Variants in NKAIN3 observed in about 807,000 individuals in gnomAD.
NKAIN3 encodes sodium/potassium-transporting ATPase subunit beta-1-interacting protein 3.
In NKAIN3, 25 loss-of-function variants were observed where a neutral mutation model predicts 30.2. That is an observed-to-expected ratio of 0.83 (90% CI 0.60 to 1.16). NKAIN3 has a LOEUF of 1.16. Among genes scored for constraint, NKAIN3 ranks in the 50% most tolerant of loss-of-function variants. The pLI, the probability that NKAIN3 is intolerant of heterozygous loss-of-function variation, is 0.00. For synonymous variants in NKAIN3, 91 were observed against 89.6 expected (o/e 1.02, Z -0.09); for missense variants, 225 against 254.1 (o/e 0.89, Z 0.78).
At chr8:62,923,978 T>C (rs1822361944) in intron 5 of NKAIN3, among the ~76,000 whole-genome samples, 1 of 152,194 alleles carries the variant, frequency 6.6e-6, no homozygotes, top group East Asian at 1.9e-4. Context: ...GAAGCCCCTT[T>C]ACCAGAACCA....
intron 4 of NKAIN3, among the ~76,000 whole-genome samples, chr8:62,814,316 CT>C (rs142964421): frequency 3.7e-4 from 56 of 150,260 alleles, no homozygotes; most frequent in Middle Eastern, 3.4e-3. Flanking sequence ...GTCTCATAGG[CT>C]TTTTTTTTCA....
intron 1 of NKAIN3, among the ~76,000 whole-genome samples, chr8:62,514,751 A>T (rs1386087596): frequency 6.6e-6 from 1 of 152,120 alleles, no homozygotes; most frequent in Non-Finnish European, 1.5e-5. Context: ...AAAGCAAAAG[A>T]TGGATATTCT....
chr8:62,879,817 A>G (rs1191564497), intron 4 of NKAIN3, among the ~76,000 whole-genome samples: 1 of 152,170 alleles, frequency 6.6e-6, no homozygotes, highest in Non-Finnish European at 1.5e-5. Flanking sequence ...AATGTATTGC[A>G]GTGTCTGAAG....
intron 1 of NKAIN3, among the ~76,000 whole-genome samples, chr8:62,379,829 A>G (rs1585741992): frequency 6.6e-6 from 1 of 152,088 alleles, no homozygotes. Flanking sequence ...TTCAGGACAG[A>G]CCTTCCACTA....
chr8:62,345,030 G>A (rs2129591198), intron 1 of NKAIN3, among the ~76,000 whole-genome samples: 1 of 151,852 alleles, frequency 6.6e-6, no homozygotes, highest in East Asian at 1.9e-4. Context: ...CTTCGATTAA[G>A]TTTATTCCTA....
At chr8:62,452,915 T>A (rs977907356) in intron 1 of NKAIN3, among the ~76,000 whole-genome samples, 36 of 152,288 alleles carry the variant, frequency 2.4e-4, no homozygotes, top group African/African-American at 7.2e-4. Flanking sequence ...TAAGAGGGTG[T>A]CTTTTGTAAG....
At chr8:62,401,071 T>C in intron 1 of NKAIN3, among the ~76,000 whole-genome samples, 1 of 147,960 alleles carries the variant, frequency 6.8e-6, no homozygotes, top group Non-Finnish European at 1.5e-5. Flanking sequence ...CTCTTAGATT[T>C]TCCCTTTTGA....
chr8:62,415,124 A>ACTATAGT (rs1173253857), intron 1 of NKAIN3, among the ~76,000 whole-genome samples: 20 of 74,822 alleles, frequency 2.7e-4, no homozygotes, highest in African/African-American at 7.3e-4. Context: ...TATAATATAT[A>ACTATAGT]ATATACTATA....
chr8:62,598,590 T>C (rs150942860), intron 3 of NKAIN3, among the ~76,000 whole-genome samples: 2 of 152,158 alleles, frequency 1.3e-5, no homozygotes, highest in Non-Finnish European at 2.9e-5. Context: ...CCCTGCTACA[T>C]AGGGGCAGTG....
chr8:62,616,321 C>G (rs180846376), intron 3 of NKAIN3, among the ~76,000 whole-genome samples: 4 of 152,282 alleles, frequency 2.6e-5, no homozygotes, highest in Admixed American at 1.3e-4. Flanking sequence ...ACTCACACTT[C>G]TGTCCAGCCA....
rs1811988478 is a variant in NKAIN3, at chr8:62,249,028, G to A, written c.-46G>A. The A allele has an allele frequency of 1.3e-6, 2 of 1,509,614 alleles. No homozygotes were observed. The highest frequency in any genetic ancestry group is 1.4e-5 in the African/African-American group (1 of 70,396). The allele number at this position is 1,509,614 out of a possible 1,614,324, so 93.5% of individuals were successfully genotyped here. ...GAGTCAGGAGGCAGCAGCGGCGGAG[G>A]ACGAGGATCTCTGGCAGTCAGCGCC... On this transcript the variant is annotated 5_prime_UTR_variant, in exon 1 of 7. Transcript: ENST00000623646.
intron 1 of NKAIN3, among the ~76,000 whole-genome samples, chr8:62,484,310 C>G (rs1806832630): frequency 6.6e-6 from 1 of 152,224 alleles, no homozygotes; most frequent in African/African-American, 2.4e-5. Flanking sequence ...CATCTTCCTA[C>G]CCCAACACCC....
In NKAIN3 at chr8:62,968,760, G is replaced by A. The variant is rs1823770054; in HGVS notation, c.*3353G>A. 6.6e-6 allele frequency among the ~76,000 whole-genome samples: 1 copy of A among 152,284 alleles called. No individual in the cohort carries two copies. Among genetic ancestry groups the A allele is most frequent in the Middle Eastern group, 3.4e-3 (1 of 294 alleles). On this transcript the variant is annotated 3_prime_UTR_variant, in exon 7 of 7. Transcript: ENST00000623646. ...GTGCCTTCTATCTTGTGTGAATGAT[G>A]CATCCTTTCTTAAGCGTCTTCTGCT...
At chr8:62,795,079 T>A (rs1025425080) in intron 4 of NKAIN3, among the ~76,000 whole-genome samples, 2 of 152,194 alleles carry the variant, frequency 1.3e-5, no homozygotes, top group African/African-American at 4.8e-5. Context: ...TTTGTATAAT[T>A]AATCAACTCT....
intron 4 of NKAIN3, among the ~76,000 whole-genome samples, chr8:62,802,398 C>A (rs1050229892): frequency 2.0e-5 from 3 of 152,160 alleles, no homozygotes; most frequent in Non-Finnish European, 4.4e-5. Flanking sequence ...AAAGGGAAGC[C>A]CGTCAGACTA....
chr8:62,878,086 G>A (rs1032284264), intron 4 of NKAIN3, among the ~76,000 whole-genome samples: 1 of 149,024 alleles, frequency 6.7e-6, no homozygotes, highest in Admixed American at 6.7e-5. Context: ...ACGGGACTTT[G>A]CATTTCAGCC....
At chr8:62,450,842 T>C (rs931105857) in intron 1 of NKAIN3, among the ~76,000 whole-genome samples, 2 of 152,214 alleles carry the variant, frequency 1.3e-5, no homozygotes, top group South Asian at 2.1e-4. Context: ...AAGAATGTCT[T>C]ATGTTATTGT....
intron 4 of NKAIN3, among the ~76,000 whole-genome samples, chr8:62,782,933 A>T (rs1358904448): frequency 6.6e-6 from 1 of 151,946 alleles, no homozygotes; most frequent in Non-Finnish European, 1.5e-5. Flanking sequence ...CAAAATAATT[A>T]GAAAAGAGGA....
chr8:62,740,664 T>G (rs554880570), intron 3 of NKAIN3, among the ~76,000 whole-genome samples: 2 of 151,972 alleles, frequency 1.3e-5, no homozygotes, highest in Admixed American at 6.5e-5. Flanking sequence ...GAACATAAGC[T>G]GATTCTAATA....
Sources: allele counts gnomAD v4.1 joint callset (sites outside exome capture counted in the v4.1 genomes callset), GRCh38; gene constraint gnomAD v4.1.1; transcripts MANE v1.5; gene names NCBI Gene and HGNC (gene_info 2026-07-23, HGNC 2026-07-21).